The following SNCAIP variants were observed in gnomAD, a reference collection of about 807,000 sequenced individuals.
SNCAIP encodes the protein synphilin-1.
In SNCAIP, 43 loss-of-function variants were observed where a neutral mutation model predicts 86.7. The observed-to-expected ratio is 0.50, with a 90% CI of 0.39 to 0.64. The LOEUF (loss-of-function observed/expected upper bound fraction) is 0.64. Among genes scored for constraint, SNCAIP ranks in the 30% least tolerant of loss-of-function variants. The pLI is 0.00. For synonymous variants in SNCAIP, 417 were observed against 427.2 expected, an observed-to-expected ratio of 0.98 and a Z score of 0.29; for missense variants, 981 against 1,103.1, an observed-to-expected ratio of 0.89 and a Z score of 1.57.
chr5:122,415,185 C>G (rs1398237436), intron 3 of SNCAIP, among the ~76,000 whole-genome samples: 1 of 152,230 alleles, frequency 6.6e-6, no homozygotes, highest in East Asian at 1.9e-4. Flanking sequence ...GTTCCTCCCA[C>G]TTTGTATGCC....
At chr5:122,386,770 C>T (rs1345692261) in intron 1 of SNCAIP, among the ~76,000 whole-genome samples, 1 of 151,954 alleles carries the variant, frequency 6.6e-6, no homozygotes, top group African/African-American at 2.4e-5. Context: ...AAAAATGTTT[C>T]CTTTACCTTT....
intron 2 of SNCAIP, among the ~76,000 whole-genome samples, chr5:122,398,974 T>C (rs1253649185): frequency 6.6e-6 from 1 of 152,156 alleles, no homozygotes; most frequent in Non-Finnish European, 1.5e-5. Flanking sequence ...CCATATCAAC[T>C]CTGTGAAGTT....
intron 1 of SNCAIP, among the ~76,000 whole-genome samples, chr5:122,358,152 T>C (rs1761412955): frequency 7.1e-6 from 1 of 141,394 alleles, no homozygotes; most frequent in Non-Finnish European, 1.5e-5. Context: ...AAGAAAAATT[T>C]GTTTCTTTGT....
chr5:122,446,315 G>A (rs535826684), intron 8 of SNCAIP, among the ~76,000 whole-genome samples: 1 of 152,298 alleles, frequency 6.6e-6, no homozygotes, highest in Admixed American at 6.5e-5. Context: ...GTAATGTATG[G>A]ACATATCCAT....
chr5:122,457,572 C>T (rs1785066330), intron 10 of SNCAIP, among the ~76,000 whole-genome samples: 1 of 152,114 alleles, frequency 6.6e-6, no homozygotes. Flanking sequence ...AGTGTTCTGT[C>T]TGTGTCCCCA....
At chr5:122,444,313 A>T (rs1781800968) in intron 7 of SNCAIP, 3 of 558,282 alleles carry the variant, frequency 5.4e-6, no homozygotes, top group South Asian at 5.1e-5. Flanking sequence ...ATATCTCATA[A>T]AGGAGAGCAC....
intron 6 of SNCAIP, among the ~76,000 whole-genome samples, chr5:122,436,217 G>C (rs1309501601): frequency 1.3e-5 from 2 of 149,896 alleles, no homozygotes; most frequent in Non-Finnish European, 3.0e-5. Context: ...TTTTTAAAAA[G>C]AGAGAAAATA....
chr5:122,411,200 G>C (rs1774045939), intron 3 of SNCAIP, among the ~76,000 whole-genome samples: 1 of 152,196 alleles, frequency 6.6e-6, no homozygotes, highest in Non-Finnish European at 1.5e-5. Flanking sequence ...AGTCCAGAGA[G>C]GGACATCCTT....
chr5:122,362,492 G>T (rs1028070730), intron 1 of SNCAIP, among the ~76,000 whole-genome samples: 2 of 152,178 alleles, frequency 1.3e-5, no homozygotes, highest in Non-Finnish European at 2.9e-5. Context: ...TTAAACCAGA[G>T]CTATCTAGAG....
intron 2 of SNCAIP, among the ~76,000 whole-genome samples, chr5:122,400,472 C>T (rs1210906805): frequency 1.3e-5 from 2 of 152,302 alleles, no homozygotes; most frequent in East Asian, 3.9e-4. Context: ...TCCCTGTGTG[C>T]CATGCACATA....
At chr5:122,331,450 G>A (rs1428953769) in intron 1 of SNCAIP, among the ~76,000 whole-genome samples, 3 of 152,146 alleles carry the variant, frequency 2.0e-5, no homozygotes, top group Non-Finnish European at 4.4e-5. Flanking sequence ...TACAAATATT[G>A]TGTCCTTATG....
At chr5:122,434,551 T>C (rs1561762536) in intron 6 of SNCAIP, among the ~76,000 whole-genome samples, 2 of 152,192 alleles carry the variant, frequency 1.3e-5, no homozygotes, top group Admixed American at 1.3e-4. Flanking sequence ...GTCAAACGTT[T>C]GCTTCATGCT....
chr5:122,423,904 A>G (rs1244990307), intron 4 of SNCAIP, among the ~76,000 whole-genome samples, 165 bp downstream of exon 4: 1 of 152,218 alleles, frequency 6.6e-6, no homozygotes. Flanking sequence ...TAAAATAAGA[A>G]GTTATGAAGT....
intron 7 of SNCAIP, chr5:122,443,684 A>C (rs1366387223): frequency 2.2e-6 from 1 of 456,054 alleles, no homozygotes; most frequent in South Asian, 1.6e-5. Context: ...GACAAGAAGG[A>C]GGTATGAAGA....
intron 1 of SNCAIP, among the ~76,000 whole-genome samples, chr5:122,375,387 C>T (rs915313112): frequency 9.9e-5 from 15 of 151,092 alleles, no homozygotes; most frequent in African/African-American, 3.2e-4. Flanking sequence ...GGACTGCTTC[C>T]GATACAGTGA....
At chr5:122,450,336 T>C (rs893837620) in intron 9 of SNCAIP, among the ~76,000 whole-genome samples, 197 bp from the exon 10 acceptor site, 4 of 152,232 alleles carry the variant, frequency 2.6e-5, no homozygotes, top group Non-Finnish European at 4.4e-5. Flanking sequence ...TCATGGTAGT[T>C]ATAGCCGAAG....
At chr5:122,461,249 G>A (rs1786154356) in intron 10 of SNCAIP, among the ~76,000 whole-genome samples, 1 of 152,120 alleles carries the variant, frequency 6.6e-6, no homozygotes, top group Non-Finnish European at 1.5e-5. Context: ...TGGCTTGGAA[G>A]ATTTTATGAT....
At chr5:122,388,355 A>G (rs1657985692) in intron 1 of SNCAIP, among the ~76,000 whole-genome samples, 1 of 151,902 alleles carries the variant, frequency 6.6e-6, no homozygotes, top group South Asian at 2.1e-4. Context: ...TGCCCTCTGT[A>G]GCTGTGCTTT....
At chr5:122,439,797 T>G (rs1280381199) in intron 6 of SNCAIP, among the ~76,000 whole-genome samples, 3 of 152,202 alleles carry the variant, frequency 2.0e-5, no homozygotes, top group East Asian at 3.9e-4. Context: ...TAACTTTATA[T>G]TTAATCTTCT....
Sources: allele counts gnomAD v4.1 joint callset (sites outside exome capture counted in the v4.1 genomes callset), GRCh38; gene constraint gnomAD v4.1.1; transcripts MANE v1.5; gene names NCBI Gene and HGNC (gene_info 2026-07-23, HGNC 2026-07-21).